ISOC1: variants seen among roughly 807,000 people sequenced by gnomAD.
The protein encoded by ISOC1 is isochorismatase domain containing 1.
A neutral mutation model predicts 30.0 loss-of-function variants in ISOC1; 33 were observed. The ratio of observed to expected loss-of-function variants is 1.10; its 90% CI spans 0.83 to 1.47. The LOEUF (loss-of-function observed/expected upper bound fraction) is 1.47. ISOC1 is among the 40% of genes most tolerant of loss of function. ISOC1 has a pLI of 0.00. For missense variants in ISOC1, 372 were observed against 388.0 expected (o/e 0.96, Z 0.35); for synonymous variants, 178 against 159.8 (o/e 1.11, Z -0.86).
At chr5:129,111,882 A>G (rs1389866030) in intron 4 of ISOC1, among the ~76,000 whole-genome samples, 1 of 152,102 alleles carries the variant, frequency 6.6e-6, no homozygotes, top group African/African-American at 2.4e-5. Context: ...ACTTTACACA[A>G]CCTTGAATTT....
At chr5:129,110,021 A>C (rs1753685620) in intron 4 of ISOC1, among the ~76,000 whole-genome samples, 2 of 152,204 alleles carry the variant, frequency 1.3e-5, no homozygotes, top group South Asian at 4.1e-4. Context: ...TTCAATTAAC[A>C]ATTGTAGAGT....
Position 129,113,118 on chromosome 5 carries a change from T to G in ISOC1, c.*117T>G. ...ATTAAAATGTTAAGTCAAAAACGGC[T>G]CCTTTTTTGCGCCTCCTAGTGAAAC... On this transcript the variant is annotated 3_prime_UTR_variant, in exon 5 of 5. Transcript: ENST00000173527. The G allele has an allele frequency of 3.1e-6, 3 of 966,148 alleles. No individual in the cohort carries two copies. Among genetic ancestry groups the G allele is most frequent in the Non-Finnish European group, 4.4e-6 (3 of 683,542 alleles). 59.8% of individuals were successfully genotyped at this position (966,148 alleles called of 1,614,324 possible).
At chr5:129,108,832 T>C (rs1200165273) in intron 4 of ISOC1, among the ~76,000 whole-genome samples, 1 of 152,158 alleles carries the variant, frequency 6.6e-6, no homozygotes, top group African/African-American at 2.4e-5. Flanking sequence ...TCTATTCTTA[T>C]AGTCATGAGT....
chr5:129,106,892 A>G, intron 3 of ISOC1, 54 bp from the exon 4 acceptor site: 1 of 1,253,240 alleles, frequency 8.0e-7, no homozygotes. Flanking sequence ...TACATTTGTA[A>G]ACTACTTTTA....
intron 1 of ISOC1, among the ~76,000 whole-genome samples, chr5:129,099,396 A>G (rs1172158787): frequency 1.3e-5 from 2 of 152,208 alleles, no homozygotes; most frequent in African/African-American, 4.8e-5. Flanking sequence ...CTCATACCTT[A>G]ACTGATAAGC....
At chr5:129,097,025 A>T (rs1375611882) in intron 1 of ISOC1, among the ~76,000 whole-genome samples, 1 of 152,088 alleles carries the variant, frequency 6.6e-6, no homozygotes, top group Non-Finnish European at 1.5e-5. Flanking sequence ...TAGCTTTTGC[A>T]GTGTTTTGCT....
chr5:129,103,704 A>C (rs1217883696), intron 1 of ISOC1, among the ~76,000 whole-genome samples: 1 of 152,214 alleles, frequency 6.6e-6, no homozygotes, highest in East Asian at 1.9e-4. Context: ...AGAGATACTA[A>C]GGAGAGTCTA....
chr5:129,110,767 C>A (rs1753696605), intron 4 of ISOC1, among the ~76,000 whole-genome samples: 1 of 152,132 alleles, frequency 6.6e-6, no homozygotes, highest in African/African-American at 2.4e-5. Context: ...CTTCCTTAGA[C>A]CTGGGAACAG....
chr5:129,109,998 A>G (rs1168412148), intron 4 of ISOC1, among the ~76,000 whole-genome samples: 1 of 152,226 alleles, frequency 6.6e-6, no homozygotes, highest in Non-Finnish European at 1.5e-5. Flanking sequence ...GTCATCTGAA[A>G]GACATTACTC....
chr5:129,105,143 G>T, intron 2 of ISOC1, 42 bp from the exon 3 acceptor site: 1 of 1,612,244 alleles, frequency 6.2e-7, no homozygotes, highest in Non-Finnish European at 8.5e-7. Flanking sequence ...ACACATATAT[G>T]TATATAGCTA....
chr5:129,108,763 C>A (rs1174198204), intron 4 of ISOC1, among the ~76,000 whole-genome samples: 1 of 152,118 alleles, frequency 6.6e-6, no homozygotes, highest in Non-Finnish European at 1.5e-5. Context: ...TTACTTGCCT[C>A]GGCCTCCCAA....
rs567203769 is a variant in ISOC1 at position 129,113,244 on chromosome 5, A to T, written c.*243A>T. On this transcript the variant is annotated 3_prime_UTR_variant, in exon 5 of 5. Coordinates refer to ENST00000173527, the MANE Select transcript of ISOC1 (RefSeq NM_016048.2). ...TTTTGTTAATGTGCTTTTATTTATT[A>T]AAAAAAATTACAATGAAGATGCCTG... 7 of 342,060 alleles carry T rather than the reference A, an allele frequency of 2.0e-5. No homozygotes were observed. The highest frequency in any genetic ancestry group is 2.0e-4 in the East Asian group (4 of 19,878). 21.2% of individuals were successfully genotyped at this position (342,060 alleles called of 1,614,324 possible). A position where few individuals can be genotyped will look rare whatever the true frequency, so the allele number is the denominator to read the frequency against.
intron 4 of ISOC1, among the ~76,000 whole-genome samples, chr5:129,111,367 T>G (rs147098162): frequency 2.2e-3 from 340 of 152,274 alleles, no homozygotes; most frequent in Non-Finnish European, 4.1e-3. Flanking sequence ...GGTCCAAGCT[T>G]GCTTTCTGAC....
chr5:129,106,661 C>G (rs929016957), intron 3 of ISOC1, among the ~76,000 whole-genome samples: 5 of 152,176 alleles, frequency 3.3e-5, no homozygotes, highest in Non-Finnish European at 7.4e-5. Context: ...TCACATGGAG[C>G]AAAATCTTTA....
chr5:129,099,263 T>C (rs555776200), intron 1 of ISOC1, among the ~76,000 whole-genome samples: 7 of 152,136 alleles, frequency 4.6e-5, no homozygotes, highest in Non-Finnish European at 1.0e-4. Context: ...TCAAATGTCA[T>C]TGTGGTCCTG....
chr5:129,104,863 A>G, intron 1 of ISOC1, 93 bp from the exon 2 acceptor site: 1 of 1,309,438 alleles, frequency 7.6e-7, no homozygotes. Context: ...TGGCTCAAAC[A>G]ATAGGACCAT....
chr5:129,107,417 A>G (rs1753652154), intron 4 of ISOC1, among the ~76,000 whole-genome samples: 1 of 152,188 alleles, frequency 6.6e-6, no homozygotes, highest in Non-Finnish European at 1.5e-5. Context: ...GGTTTAACTC[A>G]TTTAGCCAAA....
At chr5:129,109,417 C>T (rs534823050) in intron 4 of ISOC1, among the ~76,000 whole-genome samples, 1 of 152,286 alleles carries the variant, frequency 6.6e-6, no homozygotes, top group African/African-American at 2.4e-5. Context: ...ATAGTAAATA[C>T]TCAGATGTTA....
At position 129,094,779 on chromosome 5, in the gene ISOC1, G is replaced by A. The variant is rs1171206886; in HGVS notation, c.13G>A (p.Glu5Lys). The A allele has an allele frequency of 2.2e-5, 33 of 1,505,572 alleles. No individual in the cohort carries two copies. Among genetic ancestry groups the A allele is most frequent in the Non-Finnish European group, 2.9e-5 (33 of 1,132,780 alleles). The allele number at this position is 1,505,572 out of a possible 1,614,324, so 93.3% of individuals were successfully genotyped here. The change falls in exon 1 of 5, where the codon GAG (glutamate) becomes AAG (lysine). Residue 5 changes from glutamate (E) to lysine (K), a missense_variant. Transcript: ENST00000173527. MAAA[E>K]PAVLALPNSG... is the part of the protein sequence containing the mutation. ...CGCTCGGGGGAACATGGCGGCTGCG[G>A]AGCCGGCGGTCCTTGCGCTCCCCAA...
Sources: gnomAD v4.1 joint callset for allele counts (sites outside exome capture counted in the v4.1 genomes callset) on GRCh38, gnomAD v4.1.1 for gene constraint, MANE v1.5 for transcripts, NCBI Gene and HGNC (gene_info 2026-07-23, HGNC 2026-07-21) for gene names.